Variants in ADCYAP1R1 observed in about 807,000 individuals in gnomAD.
ADCYAP1R1 encodes the protein ADCYAP receptor type I.
Under a neutral mutation model 67.6 loss-of-function variants are expected in ADCYAP1R1, and 44 were observed. The observed-to-expected ratio is 0.65, with a 90% CI of 0.51 to 0.84. ADCYAP1R1 has a LOEUF of 0.84. Among genes scored for constraint, ADCYAP1R1 ranks in the 40% least tolerant of loss-of-function variants. The pLI is 0.00. For missense variants in ADCYAP1R1, 477 were observed against 587.9 expected (o/e 0.81, Z 1.95); for synonymous variants, 222 against 219.6 (o/e 1.01, Z -0.10).
Position 31,108,746 on chromosome 7 carries a change from A to ATATGTGTG in ADCYAP1R1, c.*2063_*2064insATGTGTGT, listed in dbSNP as rs878995003. The ATATGTGTG allele has an allele frequency of 1.4e-5, 2 of 147,966 alleles. No individual in the cohort carries two copies. Among genetic ancestry groups the ATATGTGTG allele is most frequent in the African/African-American group, 5.0e-5 (2 of 40,102 alleles). 9.2% of individuals were successfully genotyped at this position (147,966 alleles called of 1,614,324 possible). A position where few individuals can be genotyped will look rare whatever the true frequency, so the allele number is the denominator to read the frequency against. On this transcript the variant is annotated 3_prime_UTR_variant, in exon 16 of 16. Coordinates refer to ENST00000304166, the MANE Select transcript of ADCYAP1R1 (RefSeq NM_001118.5). ...CCTCATATCAGGTTTTGATGAATATATGTGTGTGTGTGTGTGTGTGTGTGT... is the reference window on the plus strand; with the variant it reads ...CCTCATATCAGGTTTTGATGAATATATATGTGTGTGTGTGTGTGTGTGTGTGTGTGTGT...
chr7:31,093,123 C>T lies in ADCYAP1R1; in HGVS notation c.1046+388C>T, dbSNP rs1017257763. On this transcript the variant is annotated intron_variant, in intron 13 of 15. Coordinates refer to ENST00000304166, the MANE Select transcript of ADCYAP1R1 (RefSeq NM_001118.5). ...ATGAATACCACTGAATACATTGTTG[C>T]CTGATATTCCGACCCCCAGCCCAGA... Among the ~76,000 whole-genome samples, 3 of 152,160 alleles carry T rather than the reference C, an allele frequency of 2.0e-5. No individual in the cohort carries two copies. The South Asian group carries it at 6.2e-4, about 32-fold the overall frequency.
At chr7:31,068,238 C>A (rs1465433469) in intron 3 of ADCYAP1R1, among the ~76,000 whole-genome samples, 3 of 152,124 alleles carry the variant, frequency 2.0e-5, no homozygotes, top group Non-Finnish European at 4.4e-5. Flanking sequence ...CACACACACA[C>A]GTACAAGAAC....
rs1367072848 is a variant in ADCYAP1R1, at chr7:31,086,121, T to G, written c.670-263T>G. On this transcript the variant is annotated intron_variant, in intron 9 of 15. Coordinates refer to ENST00000304166, the MANE Select transcript of ADCYAP1R1 (RefSeq NM_001118.5). This position sits in a 1 kb window ranked among gnomAD's most constrained non-coding sequence, Gnocchi z 5.0. ...GGGAGATAGGGAAGGAGCAGGAAAG[T>G]GAAGGAGGATGAGCTGGTGGTGGGG... Among the ~76,000 whole-genome samples the G allele has an allele frequency of 6.6e-6, 1 of 152,162 alleles. No individual in the cohort carries two copies. Among genetic ancestry groups the G allele is most frequent in the Non-Finnish European group, 1.5e-5 (1 of 68,018 alleles).
At chr7:31,097,821 G>T (rs969633086) in intron 13 of ADCYAP1R1, among the ~76,000 whole-genome samples, 2 of 152,096 alleles carry the variant, frequency 1.3e-5, no homozygotes, top group East Asian at 1.9e-4. Flanking sequence ...AGTTGGGGGG[G>T]GGTCTCCTGG....
At chr7:31,064,644 A>C (rs1794654683) in intron 2 of ADCYAP1R1, among the ~76,000 whole-genome samples, 187 bp from the exon 3 acceptor site, 1 of 152,184 alleles carries the variant, frequency 6.6e-6, no homozygotes, top group Non-Finnish European at 1.5e-5. Context: ...TTGGTGACTG[A>C]GAAGAGCCCT....
chr7:31,071,458 G>A (rs913985595), intron 3 of ADCYAP1R1, among the ~76,000 whole-genome samples: 32 of 152,284 alleles, frequency 2.1e-4, no homozygotes, highest in African/African-American at 6.7e-4. Flanking sequence ...GTTGTCAGGA[G>A]TGGAGAGGTC....
At chr7:31,056,536 G>A (rs1794252591) in intron 1 of ADCYAP1R1, among the ~76,000 whole-genome samples, 1 of 151,910 alleles carries the variant, frequency 6.6e-6, no homozygotes, top group Non-Finnish European at 1.5e-5. Context: ...ACCTGTGGTG[G>A]GGGTGGGCCA....
chr7:31,076,885 G>A (rs1290534531), intron 3 of ADCYAP1R1, among the ~76,000 whole-genome samples: 2 of 152,110 alleles, frequency 1.3e-5, no homozygotes, highest in Non-Finnish European at 2.9e-5. Context: ...GTGGGCATGT[G>A]GGAGAGGCTG....
At chr7:31,072,228 T>C (rs549349150) in intron 3 of ADCYAP1R1, among the ~76,000 whole-genome samples, 1 of 152,232 alleles carries the variant, frequency 6.6e-6, no homozygotes, top group South Asian at 2.1e-4. Context: ...GGAGCTCAAC[T>C]TCACACAGTC....
chr7:31,060,129 G>A (rs569126144), intron 1 of ADCYAP1R1, among the ~76,000 whole-genome samples: 74 of 152,228 alleles, frequency 4.9e-4, no homozygotes, highest in African/African-American at 1.6e-3. Context: ...CGGGGCTGGG[G>A]CCTCTGCTGG....
rs1795737844 is a variant in ADCYAP1R1, at chr7:31,086,232, C to T, written c.670-152C>T. The T allele has an allele frequency of 1.2e-6, 1 of 857,678 alleles. No individual in the cohort carries two copies. The highest frequency in any genetic ancestry group is 2.7e-5 in the East Asian group (1 of 36,716). The allele number at this position is 857,678 out of a possible 1,614,324, so 53.1% of individuals were successfully genotyped here. A position where few individuals can be genotyped will look rare whatever the true frequency, so the allele number is the denominator to read the frequency against. ...TTTGACTCAGAATCATGGGATGCTG[C>T]AATTTTCAACTCTTTGATCCAGGAA... On this transcript the variant is annotated intron_variant, in intron 9 of 15. Coordinates refer to ENST00000304166, the MANE Select transcript of ADCYAP1R1 (RefSeq NM_001118.5). The surrounding 1 kb of genome is among the most constrained non-coding windows in gnomAD (Gnocchi z 5.0).
Position 31,109,981 on chromosome 7 carries a change from T to A in ADCYAP1R1, c.*3297T>A, listed in dbSNP as rs1279000511. On this transcript the variant is annotated 3_prime_UTR_variant, in exon 16 of 16. Coordinates refer to ENST00000304166, the MANE Select transcript of ADCYAP1R1 (RefSeq NM_001118.5). ...TTCTCTAACCCCACCCCCTCCAAGC[T>A]GGGTTCTTTGTGGAAGAAGGACAGG... The A allele has an allele frequency of 6.6e-6, 1 of 152,094 alleles. No individual in the cohort carries two copies. The highest frequency in any genetic ancestry group is 1.5e-5 in the Non-Finnish European group (1 of 68,182). The allele number at this position is 152,094 out of a possible 1,614,324, so 9.4% of individuals were successfully genotyped here.
intron 3 of ADCYAP1R1, among the ~76,000 whole-genome samples, chr7:31,077,544 A>G (rs1308318007): frequency 2.9e-5 from 3 of 104,880 alleles, no homozygotes; most frequent in African/African-American, 3.9e-5. Flanking sequence ...TGGTGTGTGT[A>G]ATGTGTGTGT....
intron 3 of ADCYAP1R1, among the ~76,000 whole-genome samples, chr7:31,074,241 C>T (rs1795107455): frequency 1.3e-5 from 2 of 152,174 alleles, no homozygotes; most frequent in Non-Finnish European, 2.9e-5. Context: ...GAAATCAGAA[C>T]TCAAGTTTTG....
At chr7:31,073,743 A>G (rs1198712299) in intron 3 of ADCYAP1R1, among the ~76,000 whole-genome samples, 4 of 152,160 alleles carry the variant, frequency 2.6e-5, no homozygotes, top group African/African-American at 9.6e-5. Context: ...GGGGAGCCCC[A>G]GGGAGGCAGC....
In ADCYAP1R1 at chr7:31,092,657, T is replaced by A; in HGVS notation, c.968T>A (p.Leu323His). The change falls in exon 13 of 16, where the codon CTT (leucine) becomes CAT (histidine). Residue 323 changes from leucine to histidine, a missense_variant. Physicochemically the swap from Leu to His is moderately conservative, Grantham distance 99. Transcript: ENST00000304166. ...TTTGCTCCTTAGGTTAACTTTGTGCTTTTTATTGGCATTATCGTCATCCTT... is the reference window on the plus strand; with the variant it reads ...TTTGCTCCTTAGGTTAACTTTGTGCATTTTATTGGCATTATCGTCATCCTT... ...VVGSIMVNFV[L>H]FIGIIVILVQ... 2 of 1,611,306 alleles carry A rather than the reference T, an allele frequency of 1.2e-6. No individual in the cohort carries two copies. The highest frequency in any genetic ancestry group is 1.7e-6 in the Non-Finnish European group (2 of 1,179,576).
chr7:31,064,792 C>G (rs371139679), intron 2 of ADCYAP1R1, 39 bp from the exon 3 acceptor site: 21 of 1,543,278 alleles, frequency 1.4e-5, no homozygotes, highest in Non-Finnish European at 1.9e-5. Flanking sequence ...AGATGGGCCT[C>G]CTACCCGCTC....
chr7:31,058,334 T>C (rs1029947959), intron 1 of ADCYAP1R1, among the ~76,000 whole-genome samples: 1 of 152,220 alleles, frequency 6.6e-6, no homozygotes, highest in African/African-American at 2.4e-5. Context: ...GATGCTATCC[T>C]GTGTGTGCAG....
Position 31,108,652 on chromosome 7 carries a change from C to G in ADCYAP1R1, c.*1968C>G, listed in dbSNP as rs1029423505. The G allele has an allele frequency of 6.6e-6, 1 of 152,224 alleles. No individual in the cohort carries two copies. The highest frequency in any genetic ancestry group is 1.5e-5 in the Non-Finnish European group (1 of 68,084). The allele number at this position is 152,224 out of a possible 1,614,324, so 9.4% of individuals were successfully genotyped here. A position where few individuals can be genotyped will look rare whatever the true frequency, so the allele number is the denominator to read the frequency against. On this transcript the variant is annotated 3_prime_UTR_variant, in exon 16 of 16. Coordinates refer to ENST00000304166, the MANE Select transcript of ADCYAP1R1 (RefSeq NM_001118.5). ...AGATGAGGCAACTTCCAATGCTTCTCTAGGCCCTGCACGTAAGTGATTTTT... is the reference window on the plus strand; with the variant it reads ...AGATGAGGCAACTTCCAATGCTTCTGTAGGCCCTGCACGTAAGTGATTTTT...
Sources: gnomAD v4.1 joint callset for allele counts (sites outside exome capture counted in the v4.1 genomes callset) on GRCh38, gnomAD v4.1.1 for gene constraint, Gnocchi (gnomAD v3.1) non-coding constraint, MANE v1.5 for transcripts, NCBI Gene and HGNC (gene_info 2026-07-23, HGNC 2026-07-21) for gene names.